The following ATP8A2 variants were observed in gnomAD, a reference collection of about 807,000 sequenced individuals.
The protein encoded by ATP8A2 is ATPase phospholipid transporting 8A2, also known as phospholipid-transporting ATPase IB.
ATP8A2 carries 100 observed loss-of-function variants against 165.6 expected under a neutral mutation model. The observed-to-expected ratio is 0.60, with a 90% confidence interval of 0.51 to 0.71. The LOEUF (loss-of-function observed/expected upper bound fraction) is 0.71, where lower values mean the gene tolerates loss of function less well. Among genes scored for constraint, ATP8A2 ranks in the 30% least tolerant of loss-of-function variants. The probability of loss-of-function intolerance (pLI) is 0.00; values close to 1 mark genes in which losing one functional copy is unlikely to be tolerated. For synonymous variants in ATP8A2, 543 were observed against 548.8 expected (o/e 0.99, Z 0.15); for missense variants, 1,227 against 1,479.5 (o/e 0.83, Z 2.80).
chr13:25,576,069 C>T (rs761065483), intron 19 of ATP8A2, among the ~76,000 whole-genome samples: 39 of 152,224 alleles, frequency 2.6e-4, no homozygotes, highest in African/African-American at 8.2e-4. Context: ...ATAATACTCC[C>T]GCGAAGTACT....
At chr13:25,443,197 T>C (rs2034978380) in intron 1 of ATP8A2, among the ~76,000 whole-genome samples, 1 of 152,250 alleles carries the variant, frequency 6.6e-6, no homozygotes, top group Non-Finnish European at 1.5e-5. Context: ...TGTGCCATTA[T>C]GTATAGCAAA....
intron 24 of ATP8A2, among the ~76,000 whole-genome samples, chr13:25,606,525 A>G (rs2040521491): frequency 6.6e-6 from 1 of 152,192 alleles, no homozygotes; most frequent in African/African-American, 2.4e-5. Flanking sequence ...TCCTTCATCC[A>G]GCTGAATGGT....
chr13:25,731,222 GAAAGAAGGAAAGAGAGAGA>G (rs2043622516), intron 25 of ATP8A2, among the ~76,000 whole-genome samples: 1 of 145,526 alleles, frequency 6.9e-6, no homozygotes, highest in Non-Finnish European at 1.5e-5. Flanking sequence ...AGAGAAAGAA[GAAAGAAGGAAAGAGAGAGA>G]GAGGAAGGAA....
chr13:25,462,629 G>T (rs375809964), intron 1 of ATP8A2, among the ~76,000 whole-genome samples: 131 of 152,280 alleles, frequency 8.6e-4, no homozygotes, highest in African/African-American at 3.1e-3. Context: ...TTGGTCACAT[G>T]AATTCAACCT....
At chr13:25,799,182 C>G (rs1950563871) in intron 27 of ATP8A2, among the ~76,000 whole-genome samples, 1 of 152,012 alleles carries the variant, frequency 6.6e-6, no homozygotes, top group African/African-American at 2.4e-5. Flanking sequence ...CAGGCTTGGC[C>G]TAGGGTAGGT....
intron 20 of ATP8A2, among the ~76,000 whole-genome samples, chr13:25,578,017 GTTTTGTTC>G (rs2138219527): frequency 6.6e-6 from 1 of 152,218 alleles, no homozygotes; most frequent in East Asian, 1.9e-4. Context: ...GCTCATCTAG[GTTTTGTTC>G]TCATATGATA....
chr13:25,978,985 T>C (rs1028057634), intron 35 of ATP8A2, among the ~76,000 whole-genome samples: 1 of 151,768 alleles, frequency 6.6e-6, no homozygotes, highest in Admixed American at 6.6e-5. Context: ...TTTATTCATA[T>C]TTGATGGCTG....
Position 25,862,239 on chromosome 13 carries a change from A to T in ATP8A2, c.3076-62A>T, listed in dbSNP as rs938872912. 4.9e-5 allele frequency: 57 copies of T among 1,158,534 alleles called. No homozygotes were observed. The Middle Eastern group carries it at 7.7e-4, about 16-fold the overall frequency. 71.8% of individuals were successfully genotyped at this position (1,158,534 alleles called of 1,614,324 possible). ...GATGCAAGGATTCTGCAGCAAGTGG[A>T]GTTGGGGTGAATCTGCCAGGCTGGT... On this transcript the variant is annotated intron_variant, in intron 32 of 36. Coordinates refer to ENST00000381655, the MANE Select transcript of ATP8A2 (RefSeq NM_016529.6).
chr13:25,768,715 C>T (rs189551856), intron 25 of ATP8A2, among the ~76,000 whole-genome samples: 42 of 152,284 alleles, frequency 2.8e-4, no homozygotes, highest in African/African-American at 8.2e-4. Context: ...TTTCCGAAGA[C>T]CCCTGTAACT....
intron 33 of ATP8A2, among the ~76,000 whole-genome samples, chr13:25,910,300 G>A (rs1954064149): frequency 6.6e-6 from 1 of 152,162 alleles, no homozygotes; most frequent in African/African-American, 2.4e-5. Context: ...TTCTAGGTTG[G>A]CTGGTTACAG....
intron 1 of ATP8A2, among the ~76,000 whole-genome samples, chr13:25,373,629 A>G (rs1314468660): frequency 1.3e-5 from 2 of 152,202 alleles, no homozygotes; most frequent in Non-Finnish European, 2.9e-5. Flanking sequence ...ACAAGAAAAG[A>G]ATCAAAGATG....
intron 25 of ATP8A2, among the ~76,000 whole-genome samples, chr13:25,711,793 A>G (rs1320310842): frequency 3.3e-5 from 5 of 152,152 alleles, no homozygotes; most frequent in Non-Finnish European, 7.3e-5. Flanking sequence ...AAGAGTTAGA[A>G]TCTGTAATTC....
chr13:25,401,684 T>C (rs928282192), intron 1 of ATP8A2, among the ~76,000 whole-genome samples: 2 of 152,184 alleles, frequency 1.3e-5, no homozygotes, highest in Admixed American at 6.6e-5. Flanking sequence ...AGACACCCAG[T>C]AGGTACCGGA....
At chr13:25,647,356 G>C (rs1263850531) in intron 24 of ATP8A2, among the ~76,000 whole-genome samples, 1 of 152,154 alleles carries the variant, frequency 6.6e-6, no homozygotes, top group African/African-American at 2.4e-5. Context: ...TGGAAAGACA[G>C]CTTTGCTATG....
chr13:25,754,418 A>ATTT (rs35661717), intron 25 of ATP8A2, among the ~76,000 whole-genome samples: 148 of 147,942 alleles, frequency 1.0e-3, no homozygotes, highest in African/African-American at 3.4e-3. Flanking sequence ...AAAGTATGCG[A>ATTT]TTTTTTTTTT....
At chr13:25,934,854 G>A (rs1419339408) in intron 33 of ATP8A2, among the ~76,000 whole-genome samples, 1 of 152,200 alleles carries the variant, frequency 6.6e-6, no homozygotes, top group Non-Finnish European at 1.5e-5. Flanking sequence ...AGGATTTGAA[G>A]AAATTCATAC....
At chr13:25,915,918 C>T (rs1954256856) in intron 33 of ATP8A2, among the ~76,000 whole-genome samples, 1 of 152,212 alleles carries the variant, frequency 6.6e-6, no homozygotes, top group African/African-American at 2.4e-5. Context: ...GTCCATTTAT[C>T]ATAATGTTGA....
chr13:25,902,270 C>CTGTGTG (rs1445986090), intron 33 of ATP8A2, among the ~76,000 whole-genome samples: 2 of 152,188 alleles, frequency 1.3e-5, no homozygotes, highest in Non-Finnish European at 2.9e-5. Flanking sequence ...TATAATCTAT[C>CTGTGTG]TGTGTGTGTT....
chr13:25,851,230 T>C (rs1339329476), intron 30 of ATP8A2, among the ~76,000 whole-genome samples: 1 of 152,214 alleles, frequency 6.6e-6, no homozygotes, highest in Non-Finnish European at 1.5e-5. Flanking sequence ...CAAATTACCT[T>C]GTGTGTTAGC....
Sources: allele counts gnomAD v4.1 joint callset (sites outside exome capture counted in the v4.1 genomes callset), GRCh38; gene constraint gnomAD v4.1.1; transcripts MANE v1.5; gene names NCBI Gene and HGNC (gene_info 2026-07-23, HGNC 2026-07-21).